Variants in SRGAP2 observed in about 807,000 individuals in gnomAD.
SRGAP2 encodes the protein SLIT-ROBO Rho GTPase activating protein 2.
In SRGAP2, 15 loss-of-function variants were observed where a neutral mutation model predicts 57.2. The observed-to-expected ratio is 0.26, with a 90% CI of 0.18 to 0.40. The LOEUF (loss-of-function observed/expected upper bound fraction) is 0.40, where lower values mean the gene tolerates loss of function less well. SRGAP2 is among the 10% of genes least tolerant of loss of function. The pLI is 1.00. For synonymous variants in SRGAP2, 249 were observed against 248.0 expected (o/e 1.00, Z -0.04); for missense variants, 520 against 669.6 (o/e 0.78, Z 2.47).
At chr1:206,428,433 A>G (rs1483849126) in intron 13 of SRGAP2, among the ~76,000 whole-genome samples, 5 of 151,756 alleles carry the variant, frequency 3.3e-5, no homozygotes, top group Non-Finnish European at 7.4e-5. Context: ...AAAAAAAAAA[A>G]AAAAAGAAAA....
intron 4 of SRGAP2, among the ~76,000 whole-genome samples, chr1:206,353,678 G>A (rs1425661277): frequency 3.9e-4 from 57 of 147,910 alleles, no homozygotes; most frequent in Non-Finnish European, 5.9e-5. Flanking sequence ...CTGGGAGACA[G>A]AGCAAGACTC....
At chr1:206,335,041 G>A (rs1296114656) in intron 3 of SRGAP2, among the ~76,000 whole-genome samples, 6 of 150,106 alleles carry the variant, frequency 4.0e-5, no homozygotes, top group East Asian at 1.9e-4. Context: ...GCTGAGAAAC[G>A]TATAAATTTT....
rs1358116382 is a variant in SRGAP2 at position 206,461,908 on chromosome 1, C to T, written c.*488C>T. The T allele has an allele frequency of 6.6e-6, 1 of 151,150 alleles. No homozygotes were observed. The highest frequency in any genetic ancestry group is 1.5e-5 in the Non-Finnish European group (1 of 68,122). 9.4% of individuals were successfully genotyped at this position (151,150 alleles called of 1,614,324 possible). A position where few individuals can be genotyped will look rare whatever the true frequency, so the allele number is the denominator to read the frequency against. ...TACACACACACACATTTTACACACA[C>T]ACACACACACACACACACACATATG... On this transcript the variant is annotated 3_prime_UTR_variant, in exon 23 of 23. Coordinates refer to ENST00000573034, the MANE Select transcript of SRGAP2 (RefSeq NM_015326.5).
chr1:206,438,604 T>A lies in SRGAP2; in HGVS notation c.1768+506T>A, dbSNP rs549190630. Reference sequence around the variant, plus strand: ...AGAGAAAGGTATATTCTCTGCTTTATCCTCTTAGGAGTTCTCTGCCTCTTA... The same window carrying A: ...AGAGAAAGGTATATTCTCTGCTTTAACCTCTTAGGAGTTCTCTGCCTCTTA... On this transcript the variant is annotated intron_variant, in intron 16 of 22. Coordinates refer to ENST00000573034, the MANE Select transcript of SRGAP2 (RefSeq NM_015326.5). Among the ~76,000 whole-genome samples the A allele has an allele frequency of 3.9e-5, 6 of 152,376 alleles. No individual in the cohort carries two copies. In the East Asian group the frequency reaches 1.2e-3, roughly 29 times the overall value.
At chr1:206,220,341 C>T (rs868934966) in intron 2 of SRGAP2, among the ~76,000 whole-genome samples, 2 of 152,162 alleles carry the variant, frequency 1.3e-5, no homozygotes, top group Non-Finnish European at 2.9e-5. Flanking sequence ...AGCAGCAAAG[C>T]AACTGCTTCT....
At chr1:206,430,691 C>T (rs895663187) in intron 14 of SRGAP2, among the ~76,000 whole-genome samples, 1 of 152,202 alleles carries the variant, frequency 6.6e-6, no homozygotes, top group African/African-American at 2.4e-5. Flanking sequence ...TCACTGGATA[C>T]AGCATGGCCA....
intron 13 of SRGAP2, among the ~76,000 whole-genome samples, chr1:206,424,713 G>A (rs575083672): frequency 3.2e-4 from 48 of 152,328 alleles, no homozygotes; most frequent in Non-Finnish European, 5.9e-4. Flanking sequence ...GGGCAGTGGT[G>A]AAGTGCAGGT....
At chr1:206,421,731 C>G (rs552488025) in intron 13 of SRGAP2, among the ~76,000 whole-genome samples, 1 of 152,246 alleles carries the variant, frequency 6.6e-6, no homozygotes, top group African/African-American at 2.4e-5. Flanking sequence ...CTAAGACATG[C>G]TAACAATGAG....
chr1:206,216,515 C>A (rs1368468261), intron 2 of SRGAP2, among the ~76,000 whole-genome samples: 7 of 149,750 alleles, frequency 4.7e-5, no homozygotes, highest in Admixed American at 4.0e-4. Context: ...TTTTTCAAAG[C>A]ACGGTGTGGA....
chr1:206,254,814 G>A (rs1443096898), intron 2 of SRGAP2, among the ~76,000 whole-genome samples: 4 of 151,218 alleles, frequency 2.6e-5, no homozygotes, highest in African/African-American at 9.7e-5. Context: ...GCTCTTGTTG[G>A]GCATCAACAG....
intron 2 of SRGAP2, among the ~76,000 whole-genome samples, chr1:206,290,641 C>CAAAAA (rs1237811129): frequency 8.0e-4 from 36 of 45,116 alleles, no homozygotes; most frequent in African/African-American, 1.1e-3. Context: ...GACTCCATCT[C>CAAAAA]AAAAAAAAAA....
chr1:206,286,541 A>G (rs1671035434), intron 2 of SRGAP2, among the ~76,000 whole-genome samples: 1 of 149,830 alleles, frequency 6.7e-6, no homozygotes, highest in African/African-American at 2.5e-5. Context: ...TCAGCAGGGA[A>G]CAAAGTGAAG....
chr1:206,330,121 T>C (rs1674254360), intron 3 of SRGAP2, among the ~76,000 whole-genome samples: 1 of 34,778 alleles, frequency 2.9e-5, no homozygotes, highest in African/African-American at 1.2e-4. Context: ...TTGATTTGCG[T>C]ATATTGAACC....
At chr1:206,411,666 G>A (rs1182209400) in intron 10 of SRGAP2, among the ~76,000 whole-genome samples, 2 of 152,168 alleles carry the variant, frequency 1.3e-5, no homozygotes, top group African/African-American at 4.8e-5. Flanking sequence ...GATACTTAGG[G>A]TCTTGGGTTC....
intron 2 of SRGAP2, among the ~76,000 whole-genome samples, chr1:206,278,124 T>C (rs1670525053): frequency 6.6e-6 from 1 of 152,166 alleles, no homozygotes; most frequent in Admixed American, 6.5e-5. Context: ...TTTTTGATGA[T>C]CATGTATCAG....
intron 10 of SRGAP2, among the ~76,000 whole-genome samples, chr1:206,414,348 C>G (rs1408625610): frequency 1.3e-5 from 2 of 152,148 alleles, no homozygotes; most frequent in Non-Finnish European, 2.9e-5. Flanking sequence ...TGTTCACCTT[C>G]TCTTTCTATC....
At chr1:206,232,249 A>G (rs1232628407) in intron 2 of SRGAP2, among the ~76,000 whole-genome samples, 1 of 152,224 alleles carries the variant, frequency 6.6e-6, no homozygotes, top group East Asian at 1.9e-4. Flanking sequence ...AGTCTGAAGC[A>G]AGTAGACAGA....
intron 2 of SRGAP2, among the ~76,000 whole-genome samples, chr1:206,247,311 T>C (rs1182702011): frequency 1.3e-5 from 2 of 151,708 alleles, no homozygotes; most frequent in Admixed American, 6.6e-5. Flanking sequence ...AACACTTGAA[T>C]ATAGTAATTA....
At chr1:206,207,685 AC>A (rs1182178029) in intron 2 of SRGAP2, 2 of 140,444 alleles carry the variant, frequency 1.4e-5, no homozygotes, top group Non-Finnish European at 3.1e-5. Context: ...AGTGTTAATA[AC>A]TTTGATCTTC....
Sources: gnomAD v4.1 joint callset for allele counts (sites outside exome capture counted in the v4.1 genomes callset) on GRCh38, gnomAD v4.1.1 for gene constraint, MANE v1.5 for transcripts, NCBI Gene and HGNC (gene_info 2026-07-23, HGNC 2026-07-21) for gene names.